The following LIPK variants were observed in gnomAD, a reference collection of about 807,000 sequenced individuals.
LIPK encodes lipase member K.
In LIPK, 32 loss-of-function variants were observed where a neutral mutation model predicts 48.6. That is an observed-to-expected ratio of 0.66 (90% CI 0.50 to 0.88). The LOEUF is 0.88. Among genes scored for constraint, LIPK ranks in the 40% least tolerant of loss-of-function variants. The pLI is 0.00. For missense variants in LIPK, 507 were observed against 478.5 expected, an observed-to-expected ratio of 1.06 and a Z score of -0.56; for synonymous variants, 164 against 157.4, an observed-to-expected ratio of 1.04 and a Z score of -0.32.
chr10:88,718,873 T>G (rs1045843386), intron 1 of LIPK, among the ~76,000 whole-genome samples: 1 of 152,182 alleles, frequency 6.6e-6, no homozygotes, highest in Non-Finnish European at 1.5e-5. Flanking sequence ...AATTAATAAG[T>G]AAACAGAAAT....
chr10:88,738,856 T>G (rs2134763372), intron 7 of LIPK, among the ~76,000 whole-genome samples: 1 of 152,310 alleles, frequency 6.6e-6, no homozygotes, highest in East Asian at 1.9e-4. Flanking sequence ...TTCAAGGACA[T>G]TTGTTTCAAA....
intron 1 of LIPK, among the ~76,000 whole-genome samples, chr10:88,707,946 G>A (rs961157236): frequency 6.6e-6 from 1 of 152,132 alleles, no homozygotes. Context: ...GGATGCTGAG[G>A]TAGGAGCAAG....
At chr10:88,716,844 T>C (rs952423998) in intron 1 of LIPK, among the ~76,000 whole-genome samples, 2 of 150,820 alleles carry the variant, frequency 1.3e-5, no homozygotes, top group African/African-American at 2.5e-5. Context: ...GAATTAGAGG[T>C]TCACATGTGG....
At chr10:88,716,238 G>A (rs1218043247) in intron 1 of LIPK, among the ~76,000 whole-genome samples, 1 of 151,200 alleles carries the variant, frequency 6.6e-6, no homozygotes, top group African/African-American at 2.4e-5. Flanking sequence ...GAATGACAGA[G>A]AAAAGAGATA....
intron 3 of LIPK, among the ~76,000 whole-genome samples, chr10:88,729,790 G>C (rs1842428501): frequency 2.0e-5 from 3 of 152,142 alleles, no homozygotes; most frequent in Non-Finnish European, 4.4e-5. Context: ...GGCTCTCTGA[G>C]AGTACAACTT....
intron 2 of LIPK, among the ~76,000 whole-genome samples, chr10:88,726,341 T>C (rs1041803769): frequency 6.6e-6 from 1 of 152,220 alleles, no homozygotes; most frequent in African/African-American, 2.4e-5. Context: ...CTCATAGGAA[T>C]ATTACATGCC....
chr10:88,722,033 C>T (rs1228392365), intron 1 of LIPK, among the ~76,000 whole-genome samples: 8 of 152,208 alleles, frequency 5.3e-5, no homozygotes, highest in Non-Finnish European at 7.3e-5. Context: ...TGCGGTGGCT[C>T]ACTCCTGTAA....
chr10:88,742,764 T>TAAA (rs35342154), intron 8 of LIPK, among the ~76,000 whole-genome samples: 3 of 149,246 alleles, frequency 2.0e-5, no homozygotes. Context: ...CTTTTAATAG[T>TAAA]AAAAAAAAAA....
At chr10:88,706,935 G>A (rs947929407) in intron 1 of LIPK, among the ~76,000 whole-genome samples, 4 of 152,076 alleles carry the variant, frequency 2.6e-5, no homozygotes, top group Non-Finnish European at 5.9e-5. Flanking sequence ...TAATGTAGAT[G>A]ATATTTAAGA....
chr10:88,750,603 T>A (rs994215596), intron 9 of LIPK, among the ~76,000 whole-genome samples: 1 of 151,810 alleles, frequency 6.6e-6, no homozygotes, highest in African/African-American at 2.4e-5. Flanking sequence ...AAACATTGAG[T>A]TTACATGGAC....
At chr10:88,708,643 G>A (rs182424292) in intron 1 of LIPK, among the ~76,000 whole-genome samples, 51 of 152,046 alleles carry the variant, frequency 3.4e-4, no homozygotes, top group African/African-American at 1.1e-3. Context: ...AAATTAAATT[G>A]CTACACAATT....
At chr10:88,752,174 A>T (rs943538559) in intron 9 of LIPK, among the ~76,000 whole-genome samples, 1 of 152,142 alleles carries the variant, frequency 6.6e-6, no homozygotes, top group African/African-American at 2.4e-5. Context: ...TATTTATCCT[A>T]TCCGACATTT....
intron 8 of LIPK, among the ~76,000 whole-genome samples, chr10:88,742,462 A>G (rs952547586): frequency 6.6e-6 from 1 of 152,268 alleles, no homozygotes; most frequent in African/African-American, 2.4e-5. Context: ...AACACAGAAT[A>G]GTCTGAGAAT....
chr10:88,724,109 AT>A (rs1165893601), intron 1 of LIPK, among the ~76,000 whole-genome samples: 2 of 152,178 alleles, frequency 1.3e-5, no homozygotes, highest in Admixed American at 1.3e-4. Context: ...ATGTTAACAA[AT>A]TTTTTTCATA....
intron 7 of LIPK, among the ~76,000 whole-genome samples, chr10:88,738,265 G>A (rs1842613925): frequency 6.6e-6 from 1 of 152,160 alleles, no homozygotes; most frequent in African/African-American, 2.4e-5. Context: ...GTACCGAGAG[G>A]GATCAGTGTC....
At chr10:88,741,164 T>C (rs1439567322) in intron 8 of LIPK, among the ~76,000 whole-genome samples, 1 of 152,180 alleles carries the variant, frequency 6.6e-6, no homozygotes, top group Non-Finnish European at 1.5e-5. Flanking sequence ...GTAAAGGCAT[T>C]GATATCCCCC....
intron 9 of LIPK, among the ~76,000 whole-genome samples, chr10:88,745,582 A>T (rs1842752720): frequency 6.6e-6 from 1 of 152,224 alleles, no homozygotes; most frequent in African/African-American, 2.4e-5. Context: ...AAAATTGCTA[A>T]GGGAATTTAT....
intron 4 of LIPK, 34 bp from the exon 5 acceptor site, chr10:88,732,144 A>G: frequency 7.0e-7 from 1 of 1,426,466 alleles, no homozygotes; most frequent in Non-Finnish European, 9.8e-7. Context: ...CAATGAGATG[A>G]CTTTTCTAAT....
At chr10:88,710,580 A>G (rs1170374344) in intron 1 of LIPK, among the ~76,000 whole-genome samples, 1 of 152,222 alleles carries the variant, frequency 6.6e-6, no homozygotes, top group Admixed American at 6.5e-5. Flanking sequence ...TGACCTTTAC[A>G]GAAATTCAAC....
Sources: allele counts gnomAD v4.1 joint callset (sites outside exome capture counted in the v4.1 genomes callset), GRCh38; gene constraint gnomAD v4.1.1; transcripts MANE v1.5; gene names NCBI Gene and HGNC (gene_info 2026-07-23, HGNC 2026-07-21).